The following PDGFD variants were observed in gnomAD, a reference collection of about 807,000 sequenced individuals.
The protein encoded by PDGFD is platelet derived growth factor D, also known as platelet-derived growth factor D.
PDGFD carries 30 observed loss-of-function variants against 44.7 expected under a neutral mutation model. The observed-to-expected ratio is 0.67, with a 90% CI of 0.50 to 0.91. The LOEUF is 0.91. Ranked by LOEUF, PDGFD falls within the 40% of genes least tolerant of loss-of-function variation. The pLI, the probability that PDGFD is intolerant of heterozygous loss-of-function variation, is 0.00. For missense variants in PDGFD, 445 were observed against 457.8 expected (o/e 0.97, Z 0.25); for synonymous variants, 173 against 168.4 (o/e 1.03, Z -0.21).
chr11:103,976,084 G>A (rs189475274), intron 3 of PDGFD, among the ~76,000 whole-genome samples: 1 of 152,028 alleles, frequency 6.6e-6, no homozygotes, highest in African/African-American at 2.4e-5. Context: ...AATTGCTTTG[G>A]GCATTATGGC....
intron 1 of PDGFD, among the ~76,000 whole-genome samples, chr11:104,129,890 T>G (rs999324035): frequency 3.3e-5 from 5 of 150,536 alleles, no homozygotes; most frequent in Admixed American, 6.7e-5. Context: ...ATGCCTGTAA[T>G]CCCAGCTACT....
intron 1 of PDGFD, among the ~76,000 whole-genome samples, chr11:104,054,148 T>C (rs1176421410): frequency 6.6e-6 from 1 of 152,238 alleles, no homozygotes; most frequent in Non-Finnish European, 1.5e-5. Flanking sequence ...GGATTACATG[T>C]TTATTTCATA....
chr11:103,969,643 C>T (rs1485431658), intron 3 of PDGFD, among the ~76,000 whole-genome samples: 2 of 151,746 alleles, frequency 1.3e-5, no homozygotes, highest in Non-Finnish European at 2.9e-5. Flanking sequence ...CCTTCAGGGG[C>T]TTTTAATATT....
chr11:104,102,767 T>C (rs554760952), intron 1 of PDGFD, among the ~76,000 whole-genome samples: 1 of 152,312 alleles, frequency 6.6e-6, no homozygotes, highest in East Asian at 1.9e-4. Context: ...GATGATTTCA[T>C]GTCCTTTGTA....
intron 1 of PDGFD, among the ~76,000 whole-genome samples, chr11:104,155,429 T>A (rs1021986365): frequency 2.6e-5 from 4 of 152,214 alleles, no homozygotes; most frequent in African/African-American, 7.2e-5. Context: ...TTAGGTCTCA[T>A]GAATGCTTTT....
chr11:103,922,500 G>C lies in PDGFD; in HGVS notation c.987+4412C>G, dbSNP rs550198573. ...GACCTTCCCATGTAGCAAGTCATAA[G>C]ACCCTCATGCGAGAGGTGCCCCTGT... On this transcript the variant is annotated intron_variant, in intron 6 of 6. Transcript: ENST00000393158. 3.3e-5 allele frequency among the ~76,000 whole-genome samples: 5 copies of C among 152,106 alleles called. No homozygotes were observed. The South Asian group carries it at 6.2e-4, about 19-fold the overall frequency.
intron 1 of PDGFD, among the ~76,000 whole-genome samples, chr11:104,114,887 T>TC (rs1166723657): frequency 6.7e-6 from 1 of 150,174 alleles, no homozygotes; most frequent in East Asian, 2.1e-4. Context: ...AGGTTTTTTT[T>TC]TTTGTTTTTT....
intron 3 of PDGFD, among the ~76,000 whole-genome samples, chr11:103,993,684 G>C (rs919422763): frequency 6.6e-6 from 1 of 152,116 alleles, no homozygotes; most frequent in African/African-American, 2.4e-5. Flanking sequence ...ATCTATCCCT[G>C]CTGAGCCAAG....
At chr11:104,100,264 A>C (rs1379344441) in intron 1 of PDGFD, among the ~76,000 whole-genome samples, 3 of 152,206 alleles carry the variant, frequency 2.0e-5, no homozygotes, top group Non-Finnish European at 4.4e-5. Context: ...AGACGCAATA[A>C]AAAATGATAA....
chr11:104,116,840 A>C lies in PDGFD; in HGVS notation c.124+46964T>G, dbSNP rs577414615. Among the ~76,000 whole-genome samples, 6 of 152,058 alleles carry C rather than the reference A, an allele frequency of 3.9e-5. No homozygotes were observed. In the South Asian group the frequency reaches 1.2e-3, roughly 32 times the overall value. ...TCTCACAAGATCTGATGGGTTTATC[A>C]GGGGTTTCTGCTTTTGTTTCTTCCT... On this transcript the variant is annotated intron_variant, in intron 1 of 6. Coordinates refer to ENST00000393158, the MANE Select transcript of PDGFD (RefSeq NM_025208.5).
At chr11:103,968,318 G>A (rs1859051249) in intron 3 of PDGFD, among the ~76,000 whole-genome samples, 1 of 152,062 alleles carries the variant, frequency 6.6e-6, no homozygotes, top group African/African-American at 2.4e-5. Flanking sequence ...CCATATCCCA[G>A]GTCAAGAAAT....
At chr11:104,102,969 C>A (rs1167467434) in intron 1 of PDGFD, among the ~76,000 whole-genome samples, 1 of 151,960 alleles carries the variant, frequency 6.6e-6, no homozygotes, top group Non-Finnish European at 1.5e-5. Context: ...AGGAGATATA[C>A]CTAATGTTAA....
chr11:103,945,603 T>A (rs1049646073), intron 4 of PDGFD: 1 of 152,172 alleles, frequency 6.6e-6, no homozygotes, highest in African/African-American at 2.4e-5. Context: ...GCTTCCCTCA[T>A]TTTTGAAATA....
intron 1 of PDGFD, among the ~76,000 whole-genome samples, chr11:104,104,158 C>A (rs12281813): frequency 0.056 from 8,430 of 151,798 alleles, 365 homozygotes; most frequent in African/African-American, 0.12. Flanking sequence ...ATATAGAATG[C>A]GGATCTAAAA....
intron 1 of PDGFD, among the ~76,000 whole-genome samples, chr11:104,118,827 A>AT (rs1157822030): frequency 7.6e-5 from 3 of 39,594 alleles, no homozygotes; most frequent in Non-Finnish European, 1.0e-4. Context: ...ATATATTATA[A>AT]ATATTAATAT....
intron 1 of PDGFD, among the ~76,000 whole-genome samples, chr11:104,061,676 C>T (rs1860719639): frequency 6.6e-6 from 1 of 152,166 alleles, no homozygotes; most frequent in Admixed American, 6.5e-5. Context: ...GTGGCGTGAT[C>T]TCAGCTCACT....
At chr11:103,973,917 G>A (rs1859142018) in intron 3 of PDGFD, among the ~76,000 whole-genome samples, 1 of 152,096 alleles carries the variant, frequency 6.6e-6, no homozygotes, top group Admixed American at 6.6e-5. Flanking sequence ...TTATCATAGG[G>A]AATAGAGAGT....
chr11:104,060,034 A>C (rs1856478439), intron 1 of PDGFD, among the ~76,000 whole-genome samples: 1 of 152,336 alleles, frequency 6.6e-6, no homozygotes, highest in South Asian at 2.1e-4. Context: ...TATTTGAAGG[A>C]CAATACACTA....
chr11:103,945,340 A>G (rs1025351772), intron 4 of PDGFD, among the ~76,000 whole-genome samples: 15 of 152,164 alleles, frequency 9.9e-5, no homozygotes, highest in Non-Finnish European at 2.1e-4. Flanking sequence ...TGACTGACAC[A>G]CATCATTTCT....
Sources: allele counts gnomAD v4.1 joint callset (sites outside exome capture counted in the v4.1 genomes callset), GRCh38; gene constraint gnomAD v4.1.1; transcripts MANE v1.5; gene names NCBI Gene and HGNC (gene_info 2026-07-23, HGNC 2026-07-21).